The following GALNT14 variants were observed in gnomAD, a reference collection of about 807,000 sequenced individuals.
GALNT14 encodes the protein UDP-GalNAc:polypeptide N-acetylgalactosaminyltransferase 14.
A neutral mutation model predicts 77.5 loss-of-function variants in GALNT14; 60 were observed. The ratio of observed to expected loss-of-function variants is 0.77; its 90% CI spans 0.63 to 0.96. The LOEUF is 0.96. GALNT14 is among the 40% of genes least tolerant of loss of function. The probability of loss-of-function intolerance (pLI) is 0.00; values close to 1 mark genes in which losing one functional copy is unlikely to be tolerated. For missense variants in GALNT14, 710 were observed against 731.0 expected (o/e 0.97, Z 0.33); for synonymous variants, 280 against 281.7 (o/e 0.99, Z 0.06).
chr2:30,895,899 T>C, the GALNT14 span, among the ~76,000 whole-genome samples: 44 of 152,154 alleles, frequency 2.9e-4, no homozygotes, highest in African/African-American at 1.0e-3. Context: ...GTCTGGTAAA[T>C]ATTTATTGCT....
intron 1 of GALNT14, among the ~76,000 whole-genome samples, chr2:31,092,283 A>ATC (rs1282556895): frequency 7.2e-6 from 1 of 137,932 alleles, no homozygotes; most frequent in Admixed American, 7.3e-5. Context: ...ATATATATAT[A>ATC]TCTCCTATTA....
rs374859715 is a variant in GALNT14, at chr2:31,014,995, G to C, written c.130-21988C>G. Among the ~76,000 whole-genome samples the C allele has an allele frequency of 9.9e-4, 151 of 152,262 alleles. 2 individuals are homozygous for C. In the South Asian group the frequency reaches 0.018, roughly 19 times the overall value. Reference sequence around the variant, plus strand: ...GAATCAACCACTCGCTAGCTTTAAAGAGGCAGGAGCTTGGCCGGGCACCGT... The same window carrying C: ...GAATCAACCACTCGCTAGCTTTAAACAGGCAGGAGCTTGGCCGGGCACCGT... On this transcript the variant is annotated intron_variant, in intron 1 of 14. Coordinates refer to ENST00000349752, the MANE Select transcript of GALNT14 (RefSeq NM_024572.4).
At chr2:30,903,761 C>T in the GALNT14 span, among the ~76,000 whole-genome samples, 11 of 152,340 alleles carry the variant, frequency 7.2e-5, no homozygotes, top group East Asian at 1.9e-3. Context: ...TTGCTTTAGG[C>T]TGCTAAATTT....
intron 1 of GALNT14, among the ~76,000 whole-genome samples, chr2:31,102,709 T>C (rs1677340632): frequency 6.6e-6 from 1 of 152,156 alleles, no homozygotes; most frequent in Non-Finnish European, 1.5e-5. Context: ...TTTTTATTCT[T>C]TGTCTAGGTA....
At chr2:30,997,030 G>A (rs575088132) in intron 1 of GALNT14, among the ~76,000 whole-genome samples, 76 of 152,304 alleles carry the variant, frequency 5.0e-4, no homozygotes, top group African/African-American at 1.8e-3. Context: ...CAGCTTGCAC[G>A]TATATCATCA....
intron 1 of GALNT14, among the ~76,000 whole-genome samples, chr2:31,011,440 C>T (rs998993096): frequency 6.6e-5 from 10 of 152,150 alleles, no homozygotes; most frequent in African/African-American, 2.2e-4. Flanking sequence ...TTACTTTTCC[C>T]ACCTATAAAA....
downstream of GALNT14, among the ~76,000 whole-genome samples, chr2:30,905,514 A>C (rs550804215): frequency 2.0e-5 from 3 of 152,242 alleles, no homozygotes; most frequent in South Asian, 6.2e-4. Context: ...TTAGAGAAAA[A>C]AGAATAAAAA....
the GALNT14 span, among the ~76,000 whole-genome samples, chr2:30,905,326 G>T: frequency 1.3e-5 from 2 of 151,812 alleles, no homozygotes; most frequent in African/African-American, 2.4e-5. Flanking sequence ...AAATTTAGAA[G>T]AATGTATAAC....
intron 1 of GALNT14, among the ~76,000 whole-genome samples, chr2:31,031,612 A>G (rs1369394958): frequency 6.6e-6 from 1 of 152,174 alleles, no homozygotes; most frequent in Non-Finnish European, 1.5e-5. Context: ...AGTTGAAGAA[A>G]TCTAGTCCCC....
intron 14 of GALNT14, among the ~76,000 whole-genome samples, 178 bp downstream of exon 14, chr2:30,912,045 A>T (rs545146152): frequency 1.2e-4 from 18 of 152,290 alleles, no homozygotes; most frequent in African/African-American, 4.3e-4. Flanking sequence ...GGATGTTGCC[A>T]TTGCTGCTAG....
Position 30,912,361 on chromosome 2 carries a change from G to A in GALNT14, c.1381-19C>T, listed in dbSNP as rs371216497. The A allele has an allele frequency of 1.2e-6, 2 of 1,613,040 alleles. No individual in the cohort carries two copies. Among genetic ancestry groups the A allele is most frequent in the African/African-American group, 1.3e-5 (1 of 74,906 alleles). On this transcript the variant is annotated intron_variant, in intron 13 of 14. Coordinates refer to ENST00000349752, the MANE Select transcript of GALNT14 (RefSeq NM_024572.4). ...CCCATACCTGGGGAGAAAGAGACCA[G>A]GAAGGTTTGTTCAGGATCCAGGAAG...
intron 13 of GALNT14, among the ~76,000 whole-genome samples, chr2:30,923,538 AGGGG>A (rs1347606483): frequency 6.6e-6 from 1 of 152,220 alleles, no homozygotes; most frequent in Admixed American, 6.5e-5. Flanking sequence ...AGGGACCACA[AGGGG>A]TCCTGCAGAC....
chr2:31,132,648 CT>C (rs1558590334), intron 1 of GALNT14: 1 of 459,890 alleles, frequency 2.2e-6, no homozygotes, highest in Non-Finnish European at 4.5e-6. Flanking sequence ...CTCCATCTTG[CT>C]TCTAACTTCC....
intron 2 of GALNT14, among the ~76,000 whole-genome samples, chr2:30,979,783 C>G (rs1026434850): frequency 6.6e-6 from 1 of 152,150 alleles, no homozygotes; most frequent in Non-Finnish European, 1.5e-5. Context: ...TCACGTGGCC[C>G]TCAGCACTCC....
chr2:31,087,805 C>T (rs563171335), intron 1 of GALNT14, among the ~76,000 whole-genome samples: 7 of 152,272 alleles, frequency 4.6e-5, no homozygotes, highest in South Asian at 2.1e-4. Context: ...CCTCCAAATC[C>T]GTATTTTGAA....
rs1016694106 is a variant in GALNT14, at chr2:30,984,690, C to T, written c.299+8148G>A. ...CTCTTCCCTCAACTTGAAATGCCTA[C>T]TACCTGGTAAAATCCTACGTGCCCC... On this transcript the variant is annotated intron_variant, in intron 2 of 14. Coordinates refer to ENST00000349752, the MANE Select transcript of GALNT14 (RefSeq NM_024572.4). Among the ~76,000 whole-genome samples, 25 of 152,204 alleles carry T rather than the reference C, an allele frequency of 1.6e-4. 1 individual carries two copies. The highest frequency in any genetic ancestry group is 2.0e-4 in the Admixed American group (3 of 15,282).
chr2:31,068,144 A>C (rs7570822), intron 1 of GALNT14, among the ~76,000 whole-genome samples: 1 of 151,900 alleles, frequency 6.6e-6, no homozygotes, highest in African/African-American at 2.4e-5. Context: ...AGACCAGCAG[A>C]CCCCTATGTT....
downstream of GALNT14, among the ~76,000 whole-genome samples, chr2:30,906,196 A>C (rs1300184141): frequency 6.6e-6 from 1 of 151,018 alleles, no homozygotes; most frequent in East Asian, 2.0e-4. Flanking sequence ...GACAGGATCA[A>C]ATTCACACAT....
chr2:30,923,756 G>A lies in GALNT14; in HGVS notation c.1380+363C>T, dbSNP rs2148229644. Among the ~76,000 whole-genome samples the A allele has an allele frequency of 1.3e-5, 2 of 152,302 alleles. 1 individual carries two copies. The highest frequency in any genetic ancestry group is 4.1e-4 in the South Asian group (2 of 4,826). On this transcript the variant is annotated intron_variant, in intron 13 of 14. Coordinates refer to ENST00000349752, the MANE Select transcript of GALNT14 (RefSeq NM_024572.4). ...CCCAGCGGCAGTCTTCTCCCTCTTT[G>A]CATTTCACATCTGCGAGCTAGCTGT...
Sources: gnomAD v4.1 joint callset for allele counts (sites outside exome capture counted in the v4.1 genomes callset) on GRCh38, gnomAD v4.1.1 for gene constraint, MANE v1.5 for transcripts, NCBI Gene and HGNC (gene_info 2026-07-23, HGNC 2026-07-21) for gene names.